GBE1: variants seen among roughly 807,000 people sequenced by gnomAD.
GBE1 encodes 1,4-alpha-glucan branching enzyme 1, also known as 1,4-alpha-glucan-branching enzyme.
Under a neutral mutation model 88.8 loss-of-function variants are expected in GBE1, and 70 were observed. That is an observed-to-expected ratio of 0.79 (90% CI 0.65 to 0.96). GBE1 has a LOEUF of 0.96. Among genes scored for constraint, GBE1 ranks in the 40% least tolerant of loss-of-function variants. GBE1 has a pLI of 0.00. For missense variants in GBE1, 872 were observed against 871.0 expected, an observed-to-expected ratio of 1.00 and a Z score of -0.01; for synonymous variants, 284 against 300.1, an observed-to-expected ratio of 0.95 and a Z score of 0.56.
At chr3:81,747,895 G>C (rs987521286) in intron 1 of GBE1, among the ~76,000 whole-genome samples, 2 of 151,836 alleles carry the variant, frequency 1.3e-5, no homozygotes, top group Non-Finnish European at 2.9e-5. Flanking sequence ...CTCTCTTTTC[G>C]GACTCAGCCC....
rs73853452 is a variant in GBE1 at position 81,638,213 on chromosome 3, G to A, written c.992+4568C>T. On this transcript the variant is annotated intron_variant, in intron 7 of 15. Transcript: ENST00000429644. The stretch of plus-strand genomic sequence containing the variant: ...ACAACTCTAGTTGCTCAAGAAAAGA[G>A]AGTATCTTTTAGCCTAATGGTTACC... 5.4e-3 allele frequency among the ~76,000 whole-genome samples: 824 copies of A among 152,176 alleles called. 2 individuals are homozygous for A. Among genetic ancestry groups the A allele is most frequent in the African/African-American group, 0.019 (788 of 41,546 alleles).
At chr3:81,616,762 A>C in intron 7 of GBE1, among the ~76,000 whole-genome samples, 1 of 152,140 alleles carries the variant, frequency 6.6e-6, no homozygotes, top group East Asian at 1.9e-4. Flanking sequence ...GAATTGTCTT[A>C]AACAGCTTTT....
chr3:81,540,145 A>G (rs1384302195), intron 12 of GBE1, among the ~76,000 whole-genome samples: 2 of 151,938 alleles, frequency 1.3e-5, no homozygotes, highest in African/African-American at 2.4e-5. Context: ...ACCGAAAAAT[A>G]AAATCATAAA....
intron 1 of GBE1, among the ~76,000 whole-genome samples, chr3:81,732,390 C>T (rs1012065420): frequency 1.8e-4 from 27 of 152,128 alleles, no homozygotes; most frequent in African/African-American, 6.5e-4. Context: ...TCCTTACAAT[C>T]TATGAGATTT....
intron 3 of GBE1, among the ~76,000 whole-genome samples, chr3:81,658,670 T>C (rs73853458): frequency 1.4e-3 from 208 of 152,302 alleles, no homozygotes; most frequent in African/African-American, 4.9e-3. Flanking sequence ...TTTCTCTGCT[T>C]TTCTACCGAG....
At chr3:81,648,161 C>A (rs1455824346) in intron 5 of GBE1, among the ~76,000 whole-genome samples, 1 of 152,096 alleles carries the variant, frequency 6.6e-6, no homozygotes, top group Non-Finnish European at 1.5e-5. Context: ...AATTTGGACT[C>A]TCTAGCAGAA....
At chr3:81,511,750 T>A (rs1471550294) in intron 14 of GBE1, among the ~76,000 whole-genome samples, 1 of 151,868 alleles carries the variant, frequency 6.6e-6, no homozygotes, top group African/African-American at 2.4e-5. Context: ...GTAAATTAGT[T>A]CAGCTCCCGT....
intron 2 of GBE1, among the ~76,000 whole-genome samples, chr3:81,691,074 T>C (rs1358863068): frequency 6.6e-6 from 1 of 152,068 alleles, no homozygotes; most frequent in Admixed American, 6.5e-5. Context: ...TAAAACAAAA[T>C]AAAGTCCAGA....
At chr3:81,563,730 C>T (rs1447476940) in intron 12 of GBE1, among the ~76,000 whole-genome samples, 2 of 151,962 alleles carry the variant, frequency 1.3e-5, no homozygotes, top group Admixed American at 1.3e-4. Context: ...ATAAATAAGG[C>T]TTGATAAAAG....
intron 7 of GBE1, among the ~76,000 whole-genome samples, chr3:81,627,533 G>A (rs745773338): frequency 6.6e-6 from 1 of 152,054 alleles, no homozygotes; most frequent in Non-Finnish European, 1.5e-5. Context: ...AGGGTGGGGA[G>A]TAAGAAAGAG....
intron 1 of GBE1, 39 bp downstream of exon 1, chr3:81,761,336 C>G (rs1352065701): frequency 1.3e-6 from 2 of 1,573,882 alleles, no homozygotes; most frequent in African/African-American, 2.8e-5. Flanking sequence ...GGGAGGCGGG[C>G]TGCCTGTCTA....
At chr3:81,537,815 T>C (rs1015634270) in intron 12 of GBE1, among the ~76,000 whole-genome samples, 3 of 152,024 alleles carry the variant, frequency 2.0e-5, no homozygotes, top group Non-Finnish European at 4.4e-5. Context: ...CTTATGCTTA[T>C]TCTTCTGTGT....
intron 12 of GBE1, among the ~76,000 whole-genome samples, chr3:81,550,083 A>G (rs1323506338): frequency 6.6e-6 from 1 of 151,538 alleles, no homozygotes; most frequent in African/African-American, 2.4e-5. Context: ...TAGCAACCCC[A>G]TAACAGCTTG....
intron 14 of GBE1, among the ~76,000 whole-genome samples, chr3:81,525,038 T>C (rs979330772): frequency 5.3e-5 from 8 of 151,920 alleles, no homozygotes; most frequent in Non-Finnish European, 8.8e-5. Context: ...CAGGAATATA[T>C]TGTTCTATTT....
intron 3 of GBE1, among the ~76,000 whole-genome samples, chr3:81,651,206 G>C (rs1704847109): frequency 1.3e-5 from 2 of 152,080 alleles, no homozygotes; most frequent in Admixed American, 1.3e-4. Flanking sequence ...TATCTCACTT[G>C]ATTCCAGAAA....
chr3:81,714,171 T>C (rs972938164), intron 1 of GBE1, among the ~76,000 whole-genome samples: 6 of 152,226 alleles, frequency 3.9e-5, no homozygotes. Flanking sequence ...TGAACCCTGA[T>C]GTCTTCCTAG....
chr3:81,661,306 T>G (rs1447642220), intron 3 of GBE1, among the ~76,000 whole-genome samples: 1 of 152,146 alleles, frequency 6.6e-6, no homozygotes, highest in South Asian at 2.1e-4. Flanking sequence ...AAAATATCTA[T>G]GGAATCAATG....
intron 13 of GBE1, among the ~76,000 whole-genome samples, chr3:81,536,113 G>T (rs1009102025): frequency 1.3e-5 from 2 of 151,732 alleles, no homozygotes; most frequent in Non-Finnish European, 2.9e-5. Flanking sequence ...GCATCATTTT[G>T]CTCTCTCTTC....
chr3:81,639,013 T>A (rs943103001), intron 7 of GBE1, among the ~76,000 whole-genome samples: 1 of 152,160 alleles, frequency 6.6e-6, no homozygotes, highest in Admixed American at 6.6e-5. Flanking sequence ...TGTTTGTCAA[T>A]GGGTTATAAA....
Sources: allele counts gnomAD v4.1 joint callset (sites outside exome capture counted in the v4.1 genomes callset), GRCh38; gene constraint gnomAD v4.1.1; transcripts MANE v1.5; gene names NCBI Gene and HGNC (gene_info 2026-07-23, HGNC 2026-07-21).